Variants in INPP4B observed in about 807,000 individuals in gnomAD.
INPP4B encodes inositol polyphosphate-4-phosphatase type II B.
INPP4B carries 55 observed loss-of-function variants against 122.5 expected under a neutral mutation model. The observed-to-expected ratio is 0.45, with a 90% confidence interval of 0.36 to 0.56. The LOEUF is 0.56. Among genes scored for constraint, INPP4B ranks in the 20% least tolerant of loss-of-function variants. The probability of loss-of-function intolerance (pLI) is 0.00; values close to 1 mark genes in which losing one functional copy is unlikely to be tolerated. For synonymous variants in INPP4B, 403 were observed against 388.7 expected (o/e 1.04, Z -0.43); for missense variants, 1,000 against 1,097.7 (o/e 0.91, Z 1.26).
chr4:142,580,926 C>A (rs916803985), intron 2 of INPP4B, among the ~76,000 whole-genome samples: 1 of 151,964 alleles, frequency 6.6e-6, no homozygotes, highest in Non-Finnish European at 1.5e-5. Context: ...TGAACTCTGG[C>A]CCAGGTGCAG....
chr4:142,545,759 G>GTATATGTGTGTATATATATACACTTA (rs1560782254), intron 2 of INPP4B, among the ~76,000 whole-genome samples: 123 of 70,840 alleles, frequency 1.7e-3, no homozygotes, highest in African/African-American at 5.5e-3. Context: ...ATATACACAT[G>GTATATGTGTGTATATATATACACTTA]TATATGTGTG....
intron 1 of INPP4B, among the ~76,000 whole-genome samples, chr4:142,814,894 A>C (rs1779941485): frequency 6.6e-6 from 1 of 152,166 alleles, no homozygotes; most frequent in African/African-American, 2.4e-5. Context: ...GGCTGTGCAC[A>C]GTAACTCCCT....
At chr4:142,732,356 T>C (rs1166207381) in intron 1 of INPP4B, among the ~76,000 whole-genome samples, 1 of 151,954 alleles carries the variant, frequency 6.6e-6, no homozygotes, top group African/African-American at 2.4e-5. Flanking sequence ...AAAATAAAAA[T>C]TCCAATTTTA....
chr4:142,426,258 T>C (rs759719750), intron 5 of INPP4B, among the ~76,000 whole-genome samples: 1 of 152,012 alleles, frequency 6.6e-6, no homozygotes, highest in Non-Finnish European at 1.5e-5. Context: ...TTGTCAAGAT[T>C]AGTCTCCTTT....
At chr4:142,808,889 G>C (rs1200945766) in intron 1 of INPP4B, among the ~76,000 whole-genome samples, 1 of 151,972 alleles carries the variant, frequency 6.6e-6, no homozygotes, top group Non-Finnish European at 1.5e-5. Context: ...AGCTAATATT[G>C]TTATCCTAAA....
intron 25 of INPP4B, among the ~76,000 whole-genome samples, chr4:142,035,029 C>A (rs1472552352): frequency 6.6e-6 from 1 of 152,136 alleles, no homozygotes; most frequent in African/African-American, 2.4e-5. Context: ...TCCAGGAAGC[C>A]CTCCAGGTCT....
chr4:142,268,163 G>C (rs1471032112), intron 10 of INPP4B, among the ~76,000 whole-genome samples: 1 of 149,838 alleles, frequency 6.7e-6, no homozygotes, highest in Admixed American at 6.7e-5. Flanking sequence ...CTCTACTAAA[G>C]ATACAAAAAA....
intron 17 of INPP4B, among the ~76,000 whole-genome samples, chr4:142,148,671 G>T (rs931147919): frequency 4.6e-5 from 7 of 152,262 alleles, no homozygotes; most frequent in African/African-American, 1.7e-4. Flanking sequence ...CGTATATATT[G>T]TTCTTCCTTT....
chr4:142,807,422 G>A (rs1000884968), intron 1 of INPP4B, among the ~76,000 whole-genome samples: 10 of 152,124 alleles, frequency 6.6e-5, no homozygotes, highest in Admixed American at 2.6e-4. Context: ...ACTGGAAAGT[G>A]GTATTCAAAG....
At chr4:142,738,052 A>C (rs573144903) in intron 1 of INPP4B, among the ~76,000 whole-genome samples, 2 of 152,092 alleles carry the variant, frequency 1.3e-5, no homozygotes, top group Admixed American at 6.5e-5. Context: ...TCAGTGTGGC[A>C]ATTCCTCAGG....
intron 2 of INPP4B, among the ~76,000 whole-genome samples, chr4:142,697,292 C>A (rs1761161662): frequency 6.6e-6 from 1 of 152,158 alleles, no homozygotes; most frequent in African/African-American, 2.4e-5. Context: ...CCCCAACCCA[C>A]ACCAATGCCA....
rs10023428 is a variant in INPP4B at position 142,177,153 on chromosome 4, A to C, written c.1182-3344T>G. Reference sequence around the variant, plus strand: ...GTAGCAGGCATCGGTTGTTCTGATGAAGTCTTTTTAACGATGAGCACCTCA... The same window carrying C: ...GTAGCAGGCATCGGTTGTTCTGATGCAGTCTTTTTAACGATGAGCACCTCA... On this transcript the variant is annotated intron_variant, in intron 15 of 25. Coordinates refer to ENST00000262992, the MANE Select transcript of INPP4B (RefSeq NM_001101669.3). 4.4e-3 allele frequency among the ~76,000 whole-genome samples: 676 copies of C among 152,252 alleles called. 3 individuals are homozygous for C. The highest frequency in any genetic ancestry group is 0.015 in the African/African-American group (639 of 41,546).
At chr4:142,552,281 G>A (rs1728153471) in intron 2 of INPP4B, among the ~76,000 whole-genome samples, 3 of 152,160 alleles carry the variant, frequency 2.0e-5, no homozygotes. Flanking sequence ...CTGATTAGTA[G>A]GTCTGGGTAG....
intron 1 of INPP4B, among the ~76,000 whole-genome samples, chr4:142,787,308 TC>T (rs1384705960): frequency 2.0e-5 from 3 of 152,232 alleles, no homozygotes; most frequent in African/African-American, 7.2e-5. Context: ...GTCTCTGCTC[TC>T]ATGAATGGAT....
At chr4:142,396,191 A>G (rs1282798445) in intron 7 of INPP4B, among the ~76,000 whole-genome samples, 3 of 152,166 alleles carry the variant, frequency 2.0e-5, no homozygotes, top group East Asian at 1.9e-4. Context: ...GCCAAAGACT[A>G]ATAAACCCTC....
At chr4:142,234,339 T>A (rs1178702620) in intron 12 of INPP4B, among the ~76,000 whole-genome samples, 2 of 152,228 alleles carry the variant, frequency 1.3e-5, no homozygotes, top group Non-Finnish European at 2.9e-5. Context: ...GCTGGCTCTG[T>A]GGATTTAATG....
intron 7 of INPP4B, among the ~76,000 whole-genome samples, chr4:142,383,216 T>C (rs999423938): frequency 1.3e-5 from 2 of 152,182 alleles, no homozygotes; most frequent in African/African-American, 4.8e-5. Flanking sequence ...GCACCTATGC[T>C]TTTAATTGAA....
intron 1 of INPP4B, among the ~76,000 whole-genome samples, chr4:142,797,164 T>C (rs1008773117): frequency 6.6e-6 from 1 of 151,942 alleles, no homozygotes; most frequent in Admixed American, 6.6e-5. Flanking sequence ...TCTAATGGAA[T>C]GTTCCTAGTG....
chr4:142,157,589 C>T (rs1377671654), intron 17 of INPP4B, among the ~76,000 whole-genome samples: 2 of 152,020 alleles, frequency 1.3e-5, no homozygotes, highest in Non-Finnish European at 2.9e-5. Flanking sequence ...TCATTATTGC[C>T]CAATCCTTTT....
Sources: gnomAD v4.1 joint callset for allele counts (sites outside exome capture counted in the v4.1 genomes callset) on GRCh38, gnomAD v4.1.1 for gene constraint, MANE v1.5 for transcripts, NCBI Gene and HGNC (gene_info 2026-07-23, HGNC 2026-07-21) for gene names.